Variants in P2RY8 observed in about 807,000 individuals in gnomAD.
P2RY8 encodes S-geranylgeranyl-glutathione receptor P2RY8.
A neutral mutation model predicts 10.0 loss-of-function variants in P2RY8; 6 were observed. That is an observed-to-expected ratio of 0.60 (90% CI 0.33 to 1.19). The LOEUF (loss-of-function observed/expected upper bound fraction) is 1.19. P2RY8 is among the 50% of genes most tolerant of loss of function. The pLI is 0.04. For missense variants in P2RY8, 456 were observed against 542.0 expected, an observed-to-expected ratio of 0.84 and a Z score of 1.58; for synonymous variants, 276 against 252.5, an observed-to-expected ratio of 1.09 and a Z score of -0.88.
chrX:1,499,137 GTTT>G (rs1230046401), intron 1 of P2RY8, among the ~76,000 whole-genome samples: 1 of 139,442 alleles, frequency 7.2e-6, no homozygotes, highest in African/African-American at 2.7e-5. Flanking sequence ...CCAACCCTCT[GTTT>G]TTTTTCTTTT....
chrX:1,469,373 AC>A (rs1330702339), intron 1 of P2RY8, among the ~76,000 whole-genome samples: 1 of 151,366 alleles, frequency 6.6e-6, no homozygotes, highest in Non-Finnish European at 1.5e-5. Context: ...CACCATGTTA[AC>A]CAGGCTGGTC....
chrX:1,484,724 T>TAAAAAAAAAAAAAAAAAAAAAA (rs1171758279), intron 1 of P2RY8, among the ~76,000 whole-genome samples: 1 of 16,792 alleles, frequency 6.0e-5, no homozygotes, highest in African/African-American at 1.7e-4. Context: ...CAAAACCCTG[T>TAAAAAAAAAAAAAAAAAAAAAA]AAAAAAAAAA....
intron 1 of P2RY8, among the ~76,000 whole-genome samples, chrX:1,535,398 G>T (rs1239892585): frequency 1.3e-5 from 2 of 151,554 alleles, no homozygotes; most frequent in African/African-American, 4.9e-5. Context: ...ATGTTGGCCA[G>T]GCTGGTCTCA....
intron 1 of P2RY8, among the ~76,000 whole-genome samples, chrX:1,520,686 T>A (rs2092384258): frequency 6.6e-6 from 1 of 151,932 alleles, no homozygotes; most frequent in African/African-American, 2.4e-5. Context: ...CTTTGTTCTC[T>A]AATAATCTCC....
chrX:1,502,896 C>T (rs1164791531), intron 1 of P2RY8, among the ~76,000 whole-genome samples: 11 of 149,272 alleles, frequency 7.4e-5, no homozygotes, highest in African/African-American at 2.7e-4. Context: ...AAGGAGCCTC[C>T]GGAGGGAACT....
At chrX:1,494,664 T>C (rs763813405) in intron 1 of P2RY8, among the ~76,000 whole-genome samples, 1 of 152,288 alleles carries the variant, frequency 6.6e-6, no homozygotes, top group Non-Finnish European at 1.5e-5. Flanking sequence ...CTTTATGCTT[T>C]ATGTGAAAAT....
chrX:1,481,842 G>C (rs1207202865), intron 1 of P2RY8, among the ~76,000 whole-genome samples: 1 of 152,170 alleles, frequency 6.6e-6, no homozygotes, highest in Non-Finnish European at 1.5e-5. Flanking sequence ...GTCGGCCTCA[G>C]ATCACAAGGC....
intron 1 of P2RY8, among the ~76,000 whole-genome samples, chrX:1,481,244 C>T (rs1234173567): frequency 6.6e-6 from 1 of 152,130 alleles, no homozygotes; most frequent in Non-Finnish European, 1.5e-5. Context: ...CGTCGGCTCC[C>T]TGCAACCTCC....
rs190643945 is a variant in P2RY8, at chrX:1,520,457, C to T, written c.-25+16464G>A. Among the ~76,000 whole-genome samples the T allele has an allele frequency of 2.9e-3, 439 of 151,682 alleles. 4 individuals carry two copies. Among genetic ancestry groups the T allele is most frequent in the Middle Eastern group, 0.014 (4 of 292 alleles). On this transcript the variant is annotated intron_variant, in intron 1 of 1. Coordinates refer to ENST00000381297, the MANE Select transcript of P2RY8 (RefSeq NM_178129.5). ...CTGGTCCCCAATATTCTCTCTGGTCCCCAATCATCTTCTTAGCCTCTAATA... is the reference window on the plus strand; with the variant it reads ...CTGGTCCCCAATATTCTCTCTGGTCTCCAATCATCTTCTTAGCCTCTAATA...
intron 1 of P2RY8, among the ~76,000 whole-genome samples, chrX:1,498,192 G>A (rs1273726251): frequency 6.6e-6 from 1 of 151,784 alleles, no homozygotes; most frequent in Non-Finnish European, 1.5e-5. Flanking sequence ...AGATCGCGAG[G>A]TCAGGAGATC....
intron 1 of P2RY8, among the ~76,000 whole-genome samples, chrX:1,480,887 C>CT (rs1484077375): frequency 2.6e-5 from 4 of 151,314 alleles, no homozygotes; most frequent in African/African-American, 7.3e-5. Flanking sequence ...AAAAAAAACT[C>CT]TTAAGATTCA....
chrX:1,464,589 C>CAT lies in P2RY8; in HGVS notation c.*889_*890insAT, dbSNP rs1569536131. 2 of 233,294 alleles carry CAT rather than the reference C, an allele frequency of 8.6e-6. No individual in the cohort carries two copies. The highest frequency in any genetic ancestry group is 4.4e-5 in the African/African-American group (2 of 45,346). The allele number at this position is 233,294 out of a possible 1,614,324, so 14.5% of individuals were successfully genotyped here. ...CCCTTGTGTTGGGATGGGCTGGACC[C>CAT]CATCTCACGGAGCCTCCTTTCCGCA... On this transcript the variant is annotated 3_prime_UTR_variant, in exon 2 of 2. Coordinates refer to ENST00000381297, the MANE Select transcript of P2RY8 (RefSeq NM_178129.5).
chrX:1,536,810 G>A (rs2092530449), intron 1 of P2RY8, 111 bp downstream of exon 1: 1 of 197,034 alleles, frequency 5.1e-6, no homozygotes, highest in Non-Finnish European at 1.1e-5. Flanking sequence ...ACGCCTCATG[G>A]AGTTTGCACC....
At position 1,498,363 on chromosome X, in the gene P2RY8, G is replaced by T. The variant is rs758839450; in HGVS notation, c.-24-31781C>A. On this transcript the variant is annotated intron_variant, in intron 1 of 1. Transcript: ENST00000381297. ...GGAGCTTGCAGTGAGCCGAGATCGC[G>T]CCACTGCACTCCAGCCTGGGCGACA... is the stretch of plus-strand genomic sequence containing the variant. Among the ~76,000 whole-genome samples, 149 of 131,796 alleles carry T rather than the reference G, an allele frequency of 1.1e-3. 1 individual carries two copies. Among genetic ancestry groups the T allele is most frequent in the Admixed American group, 4.7e-3 (54 of 11,606 alleles). 86.5% of individuals were successfully genotyped at this position (131,796 alleles called of 152,430 possible). A position where few individuals can be genotyped will look rare whatever the true frequency, so the allele number is the denominator to read the frequency against.
intron 1 of P2RY8, among the ~76,000 whole-genome samples, chrX:1,524,606 TATCC>T (rs549453966): frequency 0.059 from 967 of 16,442 alleles, 4 homozygotes; most frequent in East Asian, 0.16. Context: ...TTCATCCATC[TATCC>T]ATCCATCCAT....
chrX:1,503,537 G>C (rs1385056018), intron 1 of P2RY8, among the ~76,000 whole-genome samples: 3 of 152,190 alleles, frequency 2.0e-5, no homozygotes, highest in African/African-American at 7.2e-5. Context: ...AGGGCGAGCA[G>C]ATCACCTGAG....
At chrX:1,498,168 A>T (rs2092135252) in intron 1 of P2RY8, among the ~76,000 whole-genome samples, 2 of 151,984 alleles carry the variant, frequency 1.3e-5, no homozygotes, top group South Asian at 2.1e-4. Context: ...GCACTTTGGG[A>T]GGCCGAGGCG....
intron 1 of P2RY8, among the ~76,000 whole-genome samples, chrX:1,509,002 T>C (rs868571936): frequency 6.9e-5 from 8 of 116,504 alleles, no homozygotes; most frequent in African/African-American, 1.7e-4. Context: ...CTGTATGTGT[T>C]CATCCATCCA....
rs1215320854 is a variant in P2RY8 at position 1,463,253 on chromosome X, C to G, written c.*2226G>C. 4.3e-6 allele frequency: 1 copy of G among 233,052 alleles called. No homozygotes were observed. The highest frequency in any genetic ancestry group is 2.2e-5 in the African/African-American group (1 of 45,322). The allele number at this position is 233,052 out of a possible 1,614,324, so 14.4% of individuals were successfully genotyped here. ...TCCTGCAGCCTGGATGCTTCTGTAT[C>G]AGCTTTGCTTTCTAGGGTTCAGCTT... On this transcript the variant is annotated 3_prime_UTR_variant, in exon 2 of 2. Coordinates refer to ENST00000381297, the MANE Select transcript of P2RY8 (RefSeq NM_178129.5).
Sources: gnomAD v4.1 joint callset for allele counts (sites outside exome capture counted in the v4.1 genomes callset) on GRCh38, gnomAD v4.1.1 for gene constraint, MANE v1.5 for transcripts, NCBI Gene and HGNC (gene_info 2026-07-23, HGNC 2026-07-21) for gene names.